MMP28: variants seen among roughly 807,000 people sequenced by gnomAD.
The protein encoded by MMP28 is matrix metallopeptidase 28.
In MMP28, 55 loss-of-function variants were observed where a neutral mutation model predicts 60.5. That is an observed-to-expected ratio of 0.91 (90% confidence interval 0.73 to 1.14). The LOEUF (loss-of-function observed/expected upper bound fraction) is 1.14, where lower values mean the gene tolerates loss of function less well. Among genes scored for constraint, MMP28 ranks in the 50% most tolerant of loss-of-function variants. The probability of loss-of-function intolerance (pLI) is 0.00; values close to 1 mark genes in which losing one functional copy is unlikely to be tolerated. For missense variants in MMP28, 686 were observed against 738.3 expected (o/e 0.93, Z 0.82); for synonymous variants, 318 against 312.5 (o/e 1.02, Z -0.18).
chr17:35,793,704 G>A (rs186510353), intron 1 of MMP28, among the ~76,000 whole-genome samples: 16 of 152,306 alleles, frequency 1.1e-4, no homozygotes, highest in Admixed American at 5.9e-4. Flanking sequence ...GAGTAGGGAG[G>A]ATACTGAGAA....
chr17:35,779,229 A>T lies in MMP28; in HGVS notation c.191+15T>A, dbSNP rs760952549. ...AGCACCCCTACCCCAAGTCCTCCAC[A>T]TCCCTCCACCCTACCTGATGGCATC... is the stretch of plus-strand genomic sequence containing the variant. On this transcript the variant is annotated intron_variant, in intron 2 of 7. Transcript: ENST00000605424. 6.2e-7 allele frequency: 1 copy of T among 1,605,982 alleles called. No individual in the cohort carries two copies. Among genetic ancestry groups the T allele is most frequent in the Non-Finnish European group, 8.5e-7 (1 of 1,176,230 alleles).
intron 1 of MMP28, among the ~76,000 whole-genome samples, chr17:35,791,821 C>A (rs1244944529): frequency 6.6e-6 from 1 of 152,172 alleles, no homozygotes; most frequent in African/African-American, 2.4e-5. Flanking sequence ...AAGCATCACA[C>A]AGTCTCACCC....
chr17:35,794,085 G>A (rs573431786), intron 1 of MMP28, among the ~76,000 whole-genome samples: 8 of 151,992 alleles, frequency 5.3e-5, no homozygotes, highest in Admixed American at 2.0e-4. Context: ...GCAACAGAGC[G>A]AGACTCTGTC....
chr17:35,764,483 C>T (rs1217759930), downstream of MMP28: 3 of 1,572,004 alleles, frequency 1.9e-6, no homozygotes, highest in African/African-American at 4.1e-5. Context: ...GACCGCCGCG[C>T]CGCGGGGGCT....
At chr17:35,764,810 GC>G, downstream of MMP28, 1 of 589,324 alleles carries the variant, frequency 1.7e-6, no homozygotes, top group Non-Finnish European at 2.8e-6. Context: ...GTCACCTAGC[GC>G]CCCCAGTGCA....
At chr17:35,782,348 C>T (rs947872343) in intron 1 of MMP28, among the ~76,000 whole-genome samples, 5 of 152,162 alleles carry the variant, frequency 3.3e-5, no homozygotes, top group Admixed American at 2.6e-4. Context: ...AGCCACCGCG[C>T]CCAGCCACCA....
At chr17:35,762,548 A>G (rs1328457369), downstream of MMP28, among the ~76,000 whole-genome samples, 2 of 152,142 alleles carry the variant, frequency 1.3e-5, no homozygotes, top group East Asian at 3.9e-4. Flanking sequence ...CACCAGCAAG[A>G]GGGGACAGTG....
chr17:35,785,698 C>T (rs901874123), intron 1 of MMP28, among the ~76,000 whole-genome samples: 8 of 152,144 alleles, frequency 5.3e-5, no homozygotes, highest in African/African-American at 1.4e-4. Context: ...CCGCCCACCT[C>T]GGCCTCCCAA....
In MMP28 at chr17:35,795,492, G is replaced by T; in HGVS notation, c.-115C>A. 1 of 675,554 alleles carries T rather than the reference G, an allele frequency of 1.5e-6. No individual in the cohort carries two copies. The highest frequency in any genetic ancestry group is 2.2e-6 in the Non-Finnish European group (1 of 455,908). 41.8% of individuals were successfully genotyped at this position (675,554 alleles called of 1,614,324 possible). ...GACTGCTCTGCGCCGCCCCCGCACGGAGAGGGACTGTCCCGGGGTTTCGCC... is the reference window on the plus strand; with the variant it reads ...GACTGCTCTGCGCCGCCCCCGCACGTAGAGGGACTGTCCCGGGGTTTCGCC... On this transcript the variant is annotated 5_prime_UTR_variant, in exon 1 of 8. Transcript: ENST00000605424.
In MMP28 at chr17:35,771,622, TA is replaced by T. The variant is rs1481002807; in HGVS notation, c.605-1311del. The stretch of plus-strand genomic sequence containing the variant: ...CTATATGTATGTGTATTTTATTTAA[TA>T]AAAAGTATAATTTTTATTTTTATTA... On this transcript the variant is annotated intron_variant, in intron 4 of 7. Coordinates refer to ENST00000605424, the MANE Select transcript of MMP28 (RefSeq NM_024302.5). 9.8e-5 allele frequency among the ~76,000 whole-genome samples: 14 copies of T among 142,476 alleles called. No homozygotes were observed. The Admixed American group carries it at 1.0e-3, about 10-fold the overall frequency. 93.5% of individuals were successfully genotyped at this position (142,476 alleles called of 152,430 possible).
intron 2 of MMP28, among the ~76,000 whole-genome samples, chr17:35,760,530 C>T (rs1448663437): frequency 6.6e-6 from 1 of 152,190 alleles, no homozygotes; most frequent in Non-Finnish European, 1.5e-5. Flanking sequence ...AAACCCAGTG[C>T]TTTCAGTGCT....
Position 35,766,522 on chromosome 17 carries a change from T to C in MMP28, c.1541A>G (p.Asn514Ser). 6.3e-7 allele frequency: 1 copy of C among 1,597,530 alleles called. No individual in the cohort carries two copies. The highest frequency in any genetic ancestry group is 8.5e-7 in the Non-Finnish European group (1 of 1,170,988). ...CCTTCAGAACAGGGCGCTCCCCGAG[T>C]TGGCATGCCAGCAGCCCATCCAGGG... ...ELPWMGCWHA[N>S]SGSALF Residue 514 changes from asparagine to serine, a missense_variant, in exon 8 of 8, where the codon AAC becomes AGC. Asn to Ser is a conservative substitution (Grantham distance 46, BLOSUM62 1). Coordinates refer to ENST00000605424, the MANE Select transcript of MMP28 (RefSeq NM_024302.5). This position sits in a 1 kb window ranked among gnomAD's most constrained non-coding sequence, Gnocchi z 4.3.
At chr17:35,777,223 C>G (rs957213402) in intron 3 of MMP28, among the ~76,000 whole-genome samples, 1 of 152,238 alleles carries the variant, frequency 6.6e-6, no homozygotes, top group Non-Finnish European at 1.5e-5. Flanking sequence ...GCCTCTGGCT[C>G]CAGGGATGCT....
chr17:35,766,629 G>A lies in MMP28; in HGVS notation c.1434C>T (p.Ile478=). 1 of 1,612,770 alleles carries A rather than the reference G, an allele frequency of 6.2e-7. No homozygotes were observed. Among genetic ancestry groups the A allele is most frequent in the African/African-American group, 1.3e-5 (1 of 75,074 alleles). ...GCCAGTAGCGGTCATCTCGGAAGAA[G>A]ATGATGGAGCCATCGGGCCTCGGCA... is the stretch of plus-strand genomic sequence containing the variant. ...GALPRPDGSI[I]FFRDDRYWRL... is the part of the protein sequence containing the mutation. Residue 478 remains isoleucine (I), a synonymous_variant, in exon 8 of 8, where the codon ATC becomes ATT. Coordinates refer to ENST00000605424, the MANE Select transcript of MMP28 (RefSeq NM_024302.5). The surrounding 1 kb of genome is among the most constrained non-coding windows in gnomAD (Gnocchi z 4.3).
chr17:35,763,927 AATAAATAAATAC>A (rs2085877320), downstream of MMP28: 5 of 1,001,314 alleles, frequency 5.0e-6, no homozygotes, highest in Middle Eastern at 3.3e-4. Flanking sequence ...TAAATAAATA[AATAAATAAATAC>A]ATGAAAAATT....
intron 1 of MMP28, among the ~76,000 whole-genome samples, chr17:35,793,244 C>T (rs958939565): frequency 6.6e-6 from 1 of 152,174 alleles, no homozygotes; most frequent in Admixed American, 6.5e-5. Flanking sequence ...TATTAAGTTT[C>T]CCAAGCATAC....
chr17:35,770,847 C>G (rs1044079062), intron 4 of MMP28, among the ~76,000 whole-genome samples: 6 of 151,294 alleles, frequency 4.0e-5, no homozygotes, highest in Non-Finnish European at 8.8e-5. Context: ...CCCAGGAGTT[C>G]GAGACCAGCC....
intron 1 of MMP28, 24 bp downstream of exon 1, chr17:35,795,243 C>A: frequency 7.3e-7 from 1 of 1,370,088 alleles, no homozygotes; most frequent in South Asian, 1.7e-5. Flanking sequence ...ACGCACCGCT[C>A]TCCGCCAGGT....
chr17:35,778,980 G>A lies in MMP28; in HGVS notation c.287C>T (p.Thr96Ile), dbSNP rs766097476. Reference sequence around the variant, plus strand: ...CTCAGCCCAGGCCGCATAACTGTTGGTATCTGTAACCCCGCAGCGGGGACG... The same window carrying A: ...CTCAGCCCAGGCCGCATAACTGTTGATATCTGTAACCCCGCAGCGGGGACG... Reference protein sequence around the residue: ...MTRPRCGVTDTNSYAAWAERI... With the variant: ...MTRPRCGVTDINSYAAWAERI... The change falls in exon 3 of 8, where the codon ACC (threonine) becomes ATC (isoleucine). Residue 96 changes from threonine to isoleucine, a missense_variant. Transcript: ENST00000605424. 2.2e-5 allele frequency: 35 copies of A among 1,613,950 alleles called. No homozygotes were observed. The highest frequency in any genetic ancestry group is 2.6e-5 in the Non-Finnish European group (31 of 1,179,922).
Sources: allele counts gnomAD v4.1 joint callset (sites outside exome capture counted in the v4.1 genomes callset), GRCh38; gene constraint gnomAD v4.1.1; non-coding constraint Gnocchi (gnomAD v3.1); transcripts MANE v1.5; gene names NCBI Gene and HGNC (gene_info 2026-07-23, HGNC 2026-07-21).